SPIRE1: variants seen among roughly 807,000 people sequenced by gnomAD.
SPIRE1 encodes the protein protein spire homolog 1.
In SPIRE1, 40 loss-of-function variants were observed where a neutral mutation model predicts 94.1. The ratio of observed to expected loss-of-function variants is 0.43; its 90% CI spans 0.33 to 0.55. SPIRE1 has a LOEUF of 0.55. SPIRE1 is among the 20% of genes least tolerant of loss of function. The pLI, the probability that SPIRE1 is intolerant of heterozygous loss-of-function variation, is 0.06. For missense variants in SPIRE1, 838 were observed against 975.2 expected (o/e 0.86, Z 1.87); for synonymous variants, 376 against 371.7 (o/e 1.01, Z -0.13).
intron 2 of SPIRE1, among the ~76,000 whole-genome samples, chr18:12,565,221 TAAG>T (rs1238474837): frequency 1.3e-5 from 2 of 152,048 alleles, no homozygotes; most frequent in African/African-American, 4.8e-5. Flanking sequence ...GGAACAAAGA[TAAG>T]AATTACATTT....
At chr18:12,477,464 C>A (rs2032649723) in intron 10 of SPIRE1, among the ~76,000 whole-genome samples, 2 of 152,160 alleles carry the variant, frequency 1.3e-5, no homozygotes, top group Admixed American at 6.6e-5. Context: ...AAATGTAAAT[C>A]ACTGTTCTTA....
intron 2 of SPIRE1, among the ~76,000 whole-genome samples, chr18:12,549,440 T>TTTTTTG: frequency 3.1e-5 from 1 of 32,300 alleles, no homozygotes; most frequent in Non-Finnish European, 5.9e-5. Flanking sequence ...GTTATTGTTG[T>TTTTTTG]TTTTTTTTTT....
intron 2 of SPIRE1, among the ~76,000 whole-genome samples, chr18:12,570,036 T>C (rs573864126): frequency 1.3e-5 from 2 of 152,304 alleles, no homozygotes; most frequent in African/African-American, 4.8e-5. Context: ...CACTATTGAA[T>C]AGCAGCACAC....
At chr18:12,464,805 C>T in intron 11 of SPIRE1, 63 bp downstream of exon 11, 1 of 1,400,260 alleles carries the variant, frequency 7.1e-7, no homozygotes, top group Non-Finnish European at 1.0e-6. Flanking sequence ...GATCTCTGCT[C>T]TAGGTCAAGT....
At chr18:12,504,231 G>A (rs1013425270) in intron 6 of SPIRE1, among the ~76,000 whole-genome samples, 1 of 147,530 alleles carries the variant, frequency 6.8e-6, no homozygotes, top group African/African-American at 2.5e-5. Context: ...ACGTGGCTGG[G>A]CATGGTGGCT....
intron 4 of SPIRE1, among the ~76,000 whole-genome samples, chr18:12,525,410 C>T (rs2034491840): frequency 1.3e-5 from 2 of 149,446 alleles, no homozygotes; most frequent in Admixed American, 1.3e-4. Flanking sequence ...ATATATAATA[C>T]ATTAATATAG....
intron 2 of SPIRE1, among the ~76,000 whole-genome samples, chr18:12,618,340 T>A (rs1288250601): frequency 3.3e-5 from 5 of 151,926 alleles, no homozygotes; most frequent in Non-Finnish European, 7.4e-5. Context: ...GACCTTGTTA[T>A]CCGCCCGCCT....
intron 2 of SPIRE1, among the ~76,000 whole-genome samples, chr18:12,586,923 A>C (rs2036404971): frequency 1.3e-5 from 2 of 152,248 alleles, no homozygotes; most frequent in Admixed American, 1.3e-4. Flanking sequence ...ACTTAAAGAA[A>C]GCAAGTATCT....
intron 6 of SPIRE1, among the ~76,000 whole-genome samples, chr18:12,505,269 G>A (rs1430191482): frequency 6.6e-6 from 1 of 152,220 alleles, no homozygotes; most frequent in Non-Finnish European, 1.5e-5. Flanking sequence ...TTTTGGCCAA[G>A]TGCCGTGGCT....
At chr18:12,642,745 C>A (rs2038120806) in intron 1 of SPIRE1, among the ~76,000 whole-genome samples, 1 of 152,190 alleles carries the variant, frequency 6.6e-6, no homozygotes, top group Middle Eastern at 3.4e-3. Context: ...AGGGAAACAA[C>A]ACACACCAGG....
chr18:12,505,684 T>C (rs966823494), intron 6 of SPIRE1, among the ~76,000 whole-genome samples: 4 of 152,272 alleles, frequency 2.6e-5, no homozygotes, highest in South Asian at 4.1e-4. Flanking sequence ...AACTTAAGGA[T>C]TTCATGGTGG....
At chr18:12,491,125 A>T (rs1568204919) in intron 8 of SPIRE1, among the ~76,000 whole-genome samples, 1 of 151,964 alleles carries the variant, frequency 6.6e-6, no homozygotes, top group Non-Finnish European at 1.5e-5. Flanking sequence ...TTTAATAAGG[A>T]GGTAAAAGAC....
intron 3 of SPIRE1, among the ~76,000 whole-genome samples, chr18:12,543,969 C>T (rs535504551): frequency 3.9e-5 from 6 of 152,190 alleles, no homozygotes; most frequent in East Asian, 1.9e-4. Context: ...TTAAAATTTC[C>T]GTTTACTTGT....
At chr18:12,659,168 A>G (rs1389065692), upstream of SPIRE1, among the ~76,000 whole-genome samples, 1 of 152,222 alleles carries the variant, frequency 6.6e-6, no homozygotes, top group Non-Finnish European at 1.5e-5. Context: ...TCAACCAAAT[A>G]GGCAATGTAT....
chr18:12,631,905 T>G (rs868098923), intron 2 of SPIRE1, among the ~76,000 whole-genome samples: 42 of 151,926 alleles, frequency 2.8e-4, no homozygotes, highest in Admixed American at 1.7e-3. Context: ...ACTGTCCAGG[T>G]GTGGTGACAT....
chr18:12,549,436 GTTGTTTTTTTTT>G (rs2035274797), intron 2 of SPIRE1, among the ~76,000 whole-genome samples: 6 of 51,938 alleles, frequency 1.2e-4, no homozygotes, highest in Admixed American at 4.2e-4. Flanking sequence ...TTTTGTTATT[GTTGTTTTTTTTT>G]TTTTTTTTTT....
Position 12,525,276 on chromosome 18 carries a change from C to CCA in SPIRE1, c.729+10199_729+10200insTG, listed in dbSNP as rs1299423979. 9.8e-5 allele frequency among the ~76,000 whole-genome samples: 7 copies of CCA among 71,500 alleles called. No homozygotes were observed. The Admixed American group carries it at 1.2e-3, about 12-fold the overall frequency. 46.9% of individuals were successfully genotyped at this position (71,500 alleles called of 152,430 possible). ...TGGGCGACAGAGTGAGACTCCGTCT[C>CCA]AAAAAAAAAAAAAAAAAAAAAATAA... is the stretch of plus-strand genomic sequence containing the variant. On this transcript the variant is annotated intron_variant, in intron 4 of 16. Transcript: ENST00000409402.
At chr18:12,485,597 T>C (rs1174689669) in intron 9 of SPIRE1, among the ~76,000 whole-genome samples, 1 of 152,156 alleles carries the variant, frequency 6.6e-6, no homozygotes, top group Non-Finnish European at 1.5e-5. Flanking sequence ...AGAATTTTGT[T>C]TCTATGAAGT....
chr18:12,611,608 GAC>G (rs2037143448), intron 2 of SPIRE1, among the ~76,000 whole-genome samples: 1 of 152,192 alleles, frequency 6.6e-6, no homozygotes, highest in Non-Finnish European at 1.5e-5. Context: ...CTGAATTCCT[GAC>G]ACACAGAAAC....
Sources: gnomAD v4.1 joint callset for allele counts (sites outside exome capture counted in the v4.1 genomes callset) on GRCh38, gnomAD v4.1.1 for gene constraint, MANE v1.5 for transcripts, NCBI Gene and HGNC (gene_info 2026-07-23, HGNC 2026-07-21) for gene names.